The following TACC2 variants were observed in gnomAD, a reference collection of about 807,000 sequenced individuals.
TACC2 encodes transforming acidic coiled-coil-containing protein 2.
In TACC2, 137 loss-of-function variants were observed where a neutral mutation model predicts 227.3. The observed-to-expected ratio is 0.60, with a 90% CI of 0.52 to 0.69. The LOEUF is 0.69. Among genes scored for constraint, TACC2 ranks in the 30% least tolerant of loss-of-function variants. The pLI, the probability that TACC2 is intolerant of heterozygous loss-of-function variation, is 0.00. For missense variants in TACC2, 3,470 were observed against 3,694.4 expected (o/e 0.94, Z 1.57); for synonymous variants, 1,523 against 1,487.5 (o/e 1.02, Z -0.55).
chr10:122,012,807 A>G (rs1474298709), intron 1 of TACC2, among the ~76,000 whole-genome samples: 1 of 124,984 alleles, frequency 8.0e-6, no homozygotes, highest in Non-Finnish European at 1.7e-5. Context: ...GGCATCCTTG[A>G]GGGAGCACCA....
Position 122,017,284 on chromosome 10 carries a change from C to G in TACC2, c.-45-4653C>G, listed in dbSNP as rs1956773500. ...AGGGTGCTTTTTGGATTTTACATCA[C>G]AGCAGCGCACACAGATGGAAGATTG... On this transcript the variant is annotated intron_variant, in intron 1 of 22. Transcript: ENST00000369005. 2.0e-5 allele frequency among the ~76,000 whole-genome samples: 3 copies of G among 152,142 alleles called. No homozygotes were observed. In the South Asian group the frequency reaches 6.2e-4, roughly 32 times the overall value.
chr10:122,192,323 T>C (rs2094436562), intron 7 of TACC2: 2 of 231,358 alleles, frequency 8.6e-6, no homozygotes, highest in African/African-American at 4.5e-5. Context: ...GGCTGGGCAG[T>C]TGCTGCAGCG....
At chr10:122,074,474 G>T (rs1376939005) in intron 3 of TACC2, among the ~76,000 whole-genome samples, 2 of 152,156 alleles carry the variant, frequency 1.3e-5, no homozygotes, top group Non-Finnish European at 2.9e-5. Flanking sequence ...ACTATGGAGG[G>T]CATTTCCTAT....
intron 7 of TACC2, among the ~76,000 whole-genome samples, chr10:122,183,761 T>C (rs11818917): frequency 0.02 from 2,981 of 152,180 alleles, 88 homozygotes; most frequent in African/African-American, 0.067. Flanking sequence ...CCTCCGTGAG[T>C]GGGGAGGGCA....
At chr10:122,117,850 A>G (rs1565348365) in intron 5 of TACC2, among the ~76,000 whole-genome samples, 2 of 152,144 alleles carry the variant, frequency 1.3e-5, no homozygotes, top group Non-Finnish European at 1.5e-5. Context: ...AGAGACAGTA[A>G]GCAGCTAGGC....
intron 2 of TACC2, chr10:122,033,229 G>A (rs924498517): frequency 2.0e-6 from 2 of 982,746 alleles, no homozygotes; most frequent in African/African-American, 3.3e-5. Flanking sequence ...CAAACATTTG[G>A]TGTGTCATGT....
In TACC2 at chr10:122,254,194, AT is replaced by A. The variant is rs1458552102; in HGVS notation, c.*141del. On this transcript the variant is annotated 3_prime_UTR_variant, in exon 23 of 23. Coordinates refer to ENST00000369005, the MANE Select transcript of TACC2 (RefSeq NM_206862.4). Reference sequence around the variant, plus strand: ...TGTATTTCCTTTCTAAATAAAATTGATTTGATTGTATGCAGTACTAAGGAGA... The same window carrying A: ...TGTATTTCCTTTCTAAATAAAATTGATTGATTGTATGCAGTACTAAGGAGA... 1 of 762,120 alleles carries A rather than the reference AT, an allele frequency of 1.3e-6. No individual in the cohort carries two copies. The highest frequency in any genetic ancestry group is 2.6e-5 in the East Asian group (1 of 37,890). 47.2% of individuals were successfully genotyped at this position (762,120 alleles called of 1,614,324 possible).
intron 5 of TACC2, among the ~76,000 whole-genome samples, chr10:122,115,912 T>C (rs2084621734): frequency 6.6e-6 from 1 of 152,176 alleles, no homozygotes; most frequent in Non-Finnish European, 1.5e-5. Flanking sequence ...TAACTAGTGC[T>C]GGCTAGAGGA....
intron 10 of TACC2, 26 bp from the exon 11 acceptor site, chr10:122,216,601 A>G: frequency 6.2e-7 from 1 of 1,607,766 alleles, no homozygotes; most frequent in Non-Finnish European, 8.5e-7. Context: ...TGATGAGACA[A>G]GAAACAGTTT....
chr10:122,021,677 C>T (rs950788169), intron 1 of TACC2, among the ~76,000 whole-genome samples: 3 of 152,170 alleles, frequency 2.0e-5, no homozygotes, highest in Non-Finnish European at 4.4e-5. Context: ...GGCACTAGCT[C>T]AGAGTCTCAG....
chr10:122,186,790 G>A (rs2094209904), intron 7 of TACC2, among the ~76,000 whole-genome samples: 1 of 152,216 alleles, frequency 6.6e-6, no homozygotes. Flanking sequence ...TGGGATTGCA[G>A]GCATGTGACA....
At chr10:122,215,606 A>G (rs946320808) in intron 10 of TACC2, among the ~76,000 whole-genome samples, 155 bp downstream of exon 10, 15 of 151,868 alleles carry the variant, frequency 9.9e-5, no homozygotes, top group Non-Finnish European at 1.5e-5. Flanking sequence ...TTTGCTTCAC[A>G]TTGTTTTGGT....
intron 7 of TACC2, chr10:122,192,344 T>G: frequency 8.0e-6 from 2 of 251,236 alleles, no homozygotes; most frequent in Non-Finnish European, 1.6e-5. Flanking sequence ...GAGAACTCAT[T>G]GGAATTCAGG....
At chr10:122,151,727 G>T (rs575190939) in intron 7 of TACC2, among the ~76,000 whole-genome samples, 2 of 152,332 alleles carry the variant, frequency 1.3e-5, no homozygotes, top group South Asian at 4.1e-4. Context: ...TTGTTCCTGT[G>T]GTCCAAGTGG....
At chr10:122,051,492 G>A (rs1363166081) in intron 3 of TACC2, 1 of 152,062 alleles carries the variant, frequency 6.6e-6, no homozygotes, top group Non-Finnish European at 1.5e-5. Flanking sequence ...AGCACCTGGT[G>A]TCCAGCATGG....
chr10:122,224,678 A>G (rs1376067932), intron 11 of TACC2, 48 bp from the exon 12 acceptor site: 1 of 1,576,912 alleles, frequency 6.3e-7, no homozygotes, highest in East Asian at 2.2e-5. Flanking sequence ...TCTGGCACTA[A>G]CCTCACCTTT....
chr10:122,001,168 A>G (rs1954273266), intron 1 of TACC2, among the ~76,000 whole-genome samples: 1 of 152,202 alleles, frequency 6.6e-6, no homozygotes, highest in Non-Finnish European at 1.5e-5. Context: ...TTAATCAGTA[A>G]TATTAAAGTA....
At chr10:122,136,792 G>T (rs1263192485) in intron 6 of TACC2, among the ~76,000 whole-genome samples, 1 of 152,088 alleles carries the variant, frequency 6.6e-6, no homozygotes, top group African/African-American at 2.4e-5. Flanking sequence ...GACCTCAGGT[G>T]ATCTGCCTGC....
At chr10:122,143,758 G>A in intron 7 of TACC2, 52 bp downstream of exon 7, 1 of 1,586,786 alleles carries the variant, frequency 6.3e-7, no homozygotes, top group Non-Finnish European at 8.6e-7. Context: ...GCAGGGGCCT[G>A]GTGGTCTCTG....
Sources: gnomAD v4.1 joint callset for allele counts (sites outside exome capture counted in the v4.1 genomes callset) on GRCh38, gnomAD v4.1.1 for gene constraint, MANE v1.5 for transcripts, NCBI Gene and HGNC (gene_info 2026-07-23, HGNC 2026-07-21) for gene names.